Variants in CADPS observed in about 807,000 individuals in gnomAD.
CADPS encodes the protein calcium-dependent secretion activator 1.
Under a neutral mutation model 167.3 loss-of-function variants are expected in CADPS, and 57 were observed. The ratio of observed to expected loss-of-function variants is 0.34; its 90% CI spans 0.28 to 0.42. The LOEUF (loss-of-function observed/expected upper bound fraction) is 0.42, where lower values mean the gene tolerates loss of function less well. CADPS is among the 20% of genes least tolerant of loss of function. The pLI is 1.00. For missense variants in CADPS, 1,414 were observed against 1,738.1 expected (o/e 0.81, Z 3.32); for synonymous variants, 676 against 635.3 (o/e 1.06, Z -0.96).
At chr3:62,750,320 T>G (rs989013699) in intron 3 of CADPS, among the ~76,000 whole-genome samples, 1 of 113,494 alleles carries the variant, frequency 8.8e-6, no homozygotes, top group Non-Finnish European at 1.6e-5. Flanking sequence ...CACTGCACTC[T>G]ACCCTGAGTG....
rs776738691 is a variant in CADPS at position 62,399,617 on chromosome 3, G to T, written c.3883-32C>A. 3.2e-6 allele frequency: 5 copies of T among 1,578,862 alleles called. No individual in the cohort carries two copies. In the African/African-American group the frequency reaches 5.4e-5, roughly 17 times the overall value. On this transcript the variant is annotated intron_variant, in intron 29 of 29. Transcript: ENST00000383710. This position sits in a 1 kb window ranked among gnomAD's most constrained non-coding sequence, Gnocchi z 5.6. ...AAGGAAAAGATACAGTGATAAGAGA[G>T]ATCTCATCTCCATGATGGGGAGGGA...
intron 24 of CADPS, among the ~76,000 whole-genome samples, chr3:62,467,798 C>T (rs934013742): frequency 4.6e-5 from 7 of 152,052 alleles, no homozygotes; most frequent in African/African-American, 1.2e-4. Flanking sequence ...AACCAGTGCC[C>T]GAGTCCTTTC....
intron 10 of CADPS, chr3:62,550,983 G>A: frequency 2.2e-6 from 1 of 454,254 alleles, no homozygotes; most frequent in South Asian, 1.6e-5. Flanking sequence ...TCCTCTTCCT[G>A]ATTTTTAAAT....
chr3:62,684,772 C>T (rs910162181), intron 3 of CADPS, among the ~76,000 whole-genome samples: 6 of 152,004 alleles, frequency 3.9e-5, no homozygotes, highest in Admixed American at 1.3e-4. Context: ...AGATTCTATG[C>T]ACCTGGTCAG....
intron 3 of CADPS, among the ~76,000 whole-genome samples, chr3:62,746,208 T>C (rs2081411455): frequency 6.6e-6 from 1 of 152,192 alleles, no homozygotes; most frequent in African/African-American, 2.4e-5. Flanking sequence ...ATCAAGAGTA[T>C]ACACTTCTAA....
chr3:62,864,052 C>G (rs1224440386), intron 1 of CADPS, among the ~76,000 whole-genome samples: 1 of 152,124 alleles, frequency 6.6e-6, no homozygotes, highest in South Asian at 2.1e-4. Flanking sequence ...GTGCTTATAC[C>G]AGAAATTACA....
intron 1 of CADPS, among the ~76,000 whole-genome samples, chr3:62,784,755 C>CAA (rs1553674569): frequency 5.9e-5 from 1 of 17,036 alleles, no homozygotes; most frequent in African/African-American, 2.4e-4. Flanking sequence ...AGAATGCAAG[C>CAA]AAAAACAAAA....
intron 1 of CADPS, among the ~76,000 whole-genome samples, chr3:62,774,706 T>C (rs967344858): frequency 3.1e-4 from 47 of 152,364 alleles, no homozygotes; most frequent in African/African-American, 1.1e-3. Context: ...CTTTTAGAGA[T>C]GAGTAGAGGA....
chr3:62,498,254 A>G (rs1291372933), intron 18 of CADPS: 3 of 447,250 alleles, frequency 6.7e-6, no homozygotes, highest in Non-Finnish European at 9.0e-6. Flanking sequence ...TTTATGGCGT[A>G]TTATATATTA....
chr3:62,641,240 G>T (rs946504211), intron 6 of CADPS, among the ~76,000 whole-genome samples: 18 of 152,152 alleles, frequency 1.2e-4, no homozygotes, highest in African/African-American at 4.3e-4. Flanking sequence ...CCTGCAGAAG[G>T]CTCTGAGACT....
intron 3 of CADPS, among the ~76,000 whole-genome samples, chr3:62,732,501 G>A (rs1221496925): frequency 6.6e-6 from 1 of 152,192 alleles, no homozygotes; most frequent in Non-Finnish European, 1.5e-5. Flanking sequence ...ACTCAGCTAA[G>A]CTGCGCCCAG....
At chr3:62,599,780 T>TATATTATATATTTTG (rs1491429269) in intron 6 of CADPS, among the ~76,000 whole-genome samples, 1 of 12,310 alleles carries the variant, frequency 8.1e-5, no homozygotes, top group Non-Finnish European at 1.4e-4. Context: ...AATATATATA[T>TATATTATATATTTTG]TATATATAAT....
chr3:62,585,516 G>A (rs1014139141), intron 7 of CADPS, among the ~76,000 whole-genome samples, 192 bp from the exon 8 acceptor site: 1 of 152,118 alleles, frequency 6.6e-6, no homozygotes, highest in African/African-American at 2.4e-5. Flanking sequence ...CTGTAATTCT[G>A]TGATGATTCT....
chr3:62,492,709 G>T (rs915815192), intron 19 of CADPS, among the ~76,000 whole-genome samples: 1 of 152,142 alleles, frequency 6.6e-6, no homozygotes, highest in Non-Finnish European at 1.5e-5. Context: ...AATGACAGAC[G>T]TGGAACTTCT....
At chr3:62,696,979 A>T (rs2080410569) in intron 3 of CADPS, among the ~76,000 whole-genome samples, 1 of 152,100 alleles carries the variant, frequency 6.6e-6, no homozygotes, top group African/African-American at 2.4e-5. Flanking sequence ...ATCTGAATCA[A>T]TCCTTAGAAG....
At chr3:62,844,223 A>G (rs577007632) in intron 1 of CADPS, among the ~76,000 whole-genome samples, 1 of 152,302 alleles carries the variant, frequency 6.6e-6, no homozygotes, top group African/African-American at 2.4e-5. Flanking sequence ...TCCCATCAGC[A>G]CAAACTAGTT....
intron 17 of CADPS, among the ~76,000 whole-genome samples, chr3:62,506,375 A>G (rs1032935696): frequency 6.6e-6 from 1 of 152,158 alleles, no homozygotes; most frequent in African/African-American, 2.4e-5. Context: ...GTGACAGAGC[A>G]AGACTCCGTC....
chr3:62,463,702 C>T (rs2059634843), intron 26 of CADPS, among the ~76,000 whole-genome samples: 1 of 152,180 alleles, frequency 6.6e-6, no homozygotes, highest in Non-Finnish European at 1.5e-5. Flanking sequence ...TCTGGGCCTT[C>T]ATTGCTTTGT....
chr3:62,870,733 A>T lies in CADPS; in HGVS notation c.441+3856T>A, dbSNP rs78845970. Reference sequence around the variant, plus strand: ...TTTAAACTATTAGAATAATTCCTACATCATTTAAAAAATGGTCATGTCAAT... The same window carrying T: ...TTTAAACTATTAGAATAATTCCTACTTCATTTAAAAAATGGTCATGTCAAT... On this transcript the variant is annotated intron_variant, in intron 1 of 29. Coordinates refer to ENST00000383710, the MANE Select transcript of CADPS (RefSeq NM_003716.4). Among the ~76,000 whole-genome samples the T allele has an allele frequency of 1.5e-3, 229 of 152,282 alleles. 3 individuals are homozygous for T. In the East Asian group the frequency reaches 0.042, roughly 28 times the overall value.
Sources: gnomAD v4.1 joint callset for allele counts (sites outside exome capture counted in the v4.1 genomes callset) on GRCh38, gnomAD v4.1.1 for gene constraint, Gnocchi (gnomAD v3.1) non-coding constraint, MANE v1.5 for transcripts, NCBI Gene and HGNC (gene_info 2026-07-23, HGNC 2026-07-21) for gene names.